Variants in C12orf42 observed in about 807,000 individuals in gnomAD.
C12orf42 encodes the protein chromosome 12 open reading frame 42.
C12orf42 carries 25 observed loss-of-function variants against 21.6 expected under a neutral mutation model. That is an observed-to-expected ratio of 1.16 (90% CI 0.84 to 1.62). The LOEUF (loss-of-function observed/expected upper bound fraction) is 1.62. Among genes scored for constraint, C12orf42 ranks in the 40% most tolerant of loss-of-function variants. C12orf42 has a pLI of 0.00. For missense variants in C12orf42, 483 were observed against 459.3 expected (o/e 1.05, Z -0.47); for synonymous variants, 174 against 175.0 (o/e 0.99, Z 0.05).
intron 10 of C12orf42, among the ~76,000 whole-genome samples, chr12:103,246,775 T>C (rs1406713391): frequency 7.1e-6 from 1 of 140,144 alleles, no homozygotes; most frequent in Non-Finnish European, 1.5e-5. Context: ...AGAATAAAAA[T>C]GCAGAGCTTA....
chr12:103,514,093 C>T, the C12orf42 span, among the ~76,000 whole-genome samples: 1 of 152,184 alleles, frequency 6.6e-6, no homozygotes, highest in African/African-American at 2.4e-5. Context: ...TAAATATGTC[C>T]TTCTTCACAT....
intron 5 of C12orf42, among the ~76,000 whole-genome samples, chr12:103,305,370 AT>A (rs1335892021): frequency 5.3e-5 from 8 of 152,172 alleles, no homozygotes; most frequent in African/African-American, 1.9e-4. Context: ...TGTTCAGGAA[AT>A]TTTATTTATA....
chr12:103,431,001 A>G (rs2139329625), intron 2 of C12orf42, among the ~76,000 whole-genome samples: 1 of 152,286 alleles, frequency 6.6e-6, no homozygotes, highest in South Asian at 2.1e-4. Flanking sequence ...ATTAGGAGAA[A>G]TACCTAATGT....
intron 2 of C12orf42, among the ~76,000 whole-genome samples, chr12:103,447,988 G>A (rs1951684560): frequency 6.6e-6 from 1 of 151,746 alleles, no homozygotes. Flanking sequence ...CATAGACAAA[G>A]CAAGACTAAG....
intron 4 of C12orf42, among the ~76,000 whole-genome samples, chr12:103,318,283 C>CA (rs997215400): frequency 4.0e-4 from 60 of 149,202 alleles, no homozygotes; most frequent in African/African-American, 1.0e-3. Context: ...GACTCCATCT[C>CA]AAAAAAAAAC....
At chr12:103,181,068 C>T in the C12orf42 span, among the ~76,000 whole-genome samples, 17 of 151,822 alleles carry the variant, frequency 1.1e-4, no homozygotes, top group Non-Finnish European at 2.2e-4. Flanking sequence ...TTGAGACCAT[C>T]CTGGCCAACA....
intron 4 of C12orf42, among the ~76,000 whole-genome samples, chr12:103,358,921 C>T (rs910218603): frequency 1.3e-5 from 2 of 152,022 alleles, no homozygotes; most frequent in Non-Finnish European, 2.9e-5. Flanking sequence ...GAATAATCTC[C>T]CACTGAGCCC....
At chr12:103,296,569 T>A (rs1052625782) in intron 4 of C12orf42, among the ~76,000 whole-genome samples, 2 of 152,230 alleles carry the variant, frequency 1.3e-5, no homozygotes, top group African/African-American at 4.8e-5. Context: ...TGGTGTGAGA[T>A]GGTATCTCAT....
chr12:103,371,057 G>A (rs1245806579), intron 3 of C12orf42, among the ~76,000 whole-genome samples: 3 of 152,100 alleles, frequency 2.0e-5, no homozygotes, highest in African/African-American at 7.2e-5. Flanking sequence ...AGTATGGATA[G>A]TACTATTTGG....
At chr12:103,315,157 T>C (rs532364934) in intron 4 of C12orf42, among the ~76,000 whole-genome samples, 1 of 152,298 alleles carries the variant, frequency 6.6e-6, no homozygotes, top group African/African-American at 2.4e-5. Context: ...TATTACCTGA[T>C]ACATCATGCT....
At chr12:103,052,321 G>A in the C12orf42 span, among the ~76,000 whole-genome samples, 2 of 152,098 alleles carry the variant, frequency 1.3e-5, no homozygotes, top group African/African-American at 2.4e-5. Context: ...GTTTATGATA[G>A]TACAGGTGAC....
chr12:103,352,383 A>G (rs1431526323), intron 4 of C12orf42, among the ~76,000 whole-genome samples: 1 of 152,178 alleles, frequency 6.6e-6, no homozygotes, highest in Admixed American at 6.5e-5. Flanking sequence ...TGGCACTAAA[A>G]CAAGCAAGTA....
rs75012941 is a variant in C12orf42 at position 103,238,311 on chromosome 12, A to C, written c.*1367-409T>G. Among the ~76,000 whole-genome samples the C allele has an allele frequency of 2.7e-3, 412 of 152,188 alleles. 2 individuals are homozygous for C. Among genetic ancestry groups the C allele is most frequent in the African/African-American group, 9.6e-3 (397 of 41,530 alleles). On this transcript the variant is annotated intron_variant and NMD_transcript_variant, in intron 10 of 10. Transcript: ENST00000547347. ...TAGTTGCAACACAGATGACATGGCC[A>C]GCAGAGCCTAAAATACTATGATTCT... is the stretch of plus-strand genomic sequence containing the variant.
At chr12:103,068,980 T>C in the C12orf42 span, among the ~76,000 whole-genome samples, 82 of 98,960 alleles carry the variant, frequency 8.3e-4, 6 homozygotes, top group African/African-American at 3.3e-3. Context: ...TATATATATA[T>C]ATATATATAT....
intron 4 of C12orf42, among the ~76,000 whole-genome samples, chr12:103,358,285 C>T (rs2137624551): frequency 6.6e-6 from 1 of 152,146 alleles, no homozygotes; most frequent in Admixed American, 6.6e-5. Context: ...ATTCAAGAGA[C>T]CAATGAATTA....
At chr12:103,435,687 G>A (rs2139429067) in intron 2 of C12orf42, among the ~76,000 whole-genome samples, 1 of 151,252 alleles carries the variant, frequency 6.6e-6, no homozygotes, top group Admixed American at 6.6e-5. Context: ...GAAGCGAGAA[G>A]GGAAGTTTAG....
chr12:103,444,423 T>A (rs1330508065), intron 2 of C12orf42, among the ~76,000 whole-genome samples: 1 of 152,144 alleles, frequency 6.6e-6, no homozygotes, highest in Non-Finnish European at 1.5e-5. Flanking sequence ...CTGTCATCAA[T>A]GTGGCTTATA....
At chr12:103,336,637 G>A (rs1311893234) in intron 4 of C12orf42, among the ~76,000 whole-genome samples, 1 of 152,058 alleles carries the variant, frequency 6.6e-6, no homozygotes, top group Non-Finnish European at 1.5e-5. Context: ...TGTAATCCTG[G>A]GGACCATAAA....
chr12:103,232,737 A>C (rs529562560), downstream of C12orf42, among the ~76,000 whole-genome samples: 16 of 151,170 alleles, frequency 1.1e-4, 1 homozygote, highest in South Asian at 3.3e-3. Flanking sequence ...AAGTTCTATA[A>C]TTTTGTGTTT....
Sources: allele counts gnomAD v4.1 joint callset (sites outside exome capture counted in the v4.1 genomes callset), GRCh38; gene constraint gnomAD v4.1.1; transcripts MANE v1.5; gene names NCBI Gene and HGNC (gene_info 2026-07-23, HGNC 2026-07-21).